MOCOS: variants seen among roughly 807,000 people sequenced by gnomAD.
MOCOS encodes molybdenum cofactor sulfurase.
In MOCOS, 86 loss-of-function variants were observed where a neutral mutation model predicts 83.6. That is an observed-to-expected ratio of 1.03 (90% confidence interval 0.86 to 1.23). MOCOS has a LOEUF of 1.23. Among genes scored for constraint, MOCOS ranks in the 50% most tolerant of loss-of-function variants. The pLI is 0.00. For missense variants in MOCOS, 1,120 were observed against 1,126.9 expected (o/e 0.99, Z 0.09); for synonymous variants, 445 against 434.7 (o/e 1.02, Z -0.29).
intron 5 of MOCOS, among the ~76,000 whole-genome samples, chr18:36,204,740 C>T (rs1249912786): frequency 6.6e-6 from 1 of 152,108 alleles, no homozygotes; most frequent in African/African-American, 2.4e-5. Context: ...TGCCTGTAAT[C>T]CCAGCACTTT....
chr18:36,203,253 C>A (rs1391643451), intron 5 of MOCOS, 64 bp downstream of exon 5: 22 of 1,444,964 alleles, frequency 1.5e-5, no homozygotes, highest in Non-Finnish European at 2.1e-5. Flanking sequence ...AGCTCTGGCA[C>A]AGGTGTGATT....
At chr18:36,254,165 A>G (rs1001203204) in intron 11 of MOCOS, among the ~76,000 whole-genome samples, 1 of 152,200 alleles carries the variant, frequency 6.6e-6, no homozygotes, top group African/African-American at 2.4e-5. Context: ...GTTCTCTGGC[A>G]GTCTAAGCCA....
chr18:36,251,197 G>A lies in MOCOS; in HGVS notation c.2078G>A (p.Trp693Ter). The A allele has an allele frequency of 6.2e-7, 1 of 1,613,594 alleles. No individual in the cohort carries two copies. The highest frequency in any genetic ancestry group is 8.5e-7 in the Non-Finnish European group (1 of 1,179,624). ...TYDCGEKISS[W>*]LSTFFGRPCH... ...GATTGTGGAGAAAAAATTTCAAGCT[G>A]GTTGTCAACATTTTTTGGCCGTCCT... The change falls in exon 11 of 15, where the codon TGG (tryptophan) becomes TAG (stop). Residue 693 changes from tryptophan to a stop codon, truncating the protein, a stop_gained. Coordinates refer to ENST00000261326, the MANE Select transcript of MOCOS (RefSeq NM_017947.4). LOFTEE classifies it high-confidence loss of function.
intron 9 of MOCOS, among the ~76,000 whole-genome samples, chr18:36,229,008 T>A (rs988659542): frequency 2.6e-5 from 4 of 152,214 alleles, no homozygotes; most frequent in Non-Finnish European, 4.4e-5. Context: ...TTAATACTTT[T>A]GTCTTTTGAC....
Position 36,268,755 on chromosome 18 carries a change from C to G in MOCOS, c.*70C>G. 1 of 1,307,660 alleles carries G rather than the reference C, an allele frequency of 7.6e-7. No individual in the cohort carries two copies. Among genetic ancestry groups the G allele is most frequent in the African/African-American group, 1.5e-5 (1 of 68,594 alleles). 81.0% of individuals were successfully genotyped at this position (1,307,660 alleles called of 1,614,324 possible). A position where few individuals can be genotyped will look rare whatever the true frequency, so the allele number is the denominator to read the frequency against. ...TATTGTTAAGATCTGCAACTTGGTTCAGTAGAACTTGATGTTTTGAATAAG... is the reference window on the plus strand; with the variant it reads ...TATTGTTAAGATCTGCAACTTGGTTGAGTAGAACTTGATGTTTTGAATAAG... On this transcript the variant is annotated 3_prime_UTR_variant, in exon 15 of 15. Transcript: ENST00000261326.
At chr18:36,237,810 T>G (rs1308161898) in intron 9 of MOCOS, among the ~76,000 whole-genome samples, 20 of 149,888 alleles carry the variant, frequency 1.3e-4, no homozygotes, top group Admixed American at 1.3e-3. Context: ...CAATTTCAGC[T>G]CCTGTTATTG....
intron 9 of MOCOS, among the ~76,000 whole-genome samples, chr18:36,233,116 A>G (rs2091544697): frequency 6.6e-6 from 1 of 151,988 alleles, no homozygotes; most frequent in Non-Finnish European, 1.5e-5. Flanking sequence ...ATTTTGGTGT[A>G]CTCATCACCC....
At chr18:36,190,420 G>A (rs970981188) in intron 1 of MOCOS, 2 of 152,076 alleles carry the variant, frequency 1.3e-5, no homozygotes, top group Non-Finnish European at 1.5e-5. Context: ...TGCAGTTCTC[G>A]TGAGGGTGCG....
chr18:36,228,297 A>C lies in MOCOS; in HGVS notation c.1960+8080A>C, dbSNP rs142207148. Among the ~76,000 whole-genome samples the C allele has an allele frequency of 3.1e-3, 465 of 152,312 alleles. 1 individual carries two copies. Among genetic ancestry groups the C allele is most frequent in the African/African-American group, 0.01 (420 of 41,578 alleles). On this transcript the variant is annotated intron_variant, in intron 9 of 14. Coordinates refer to ENST00000261326, the MANE Select transcript of MOCOS (RefSeq NM_017947.4). ...GATTCCTCAAACACCTAAAGACAGA[A>C]ATACCATTTGACCCAGTAATCCCAT...
intron 9 of MOCOS, among the ~76,000 whole-genome samples, chr18:36,240,139 A>G (rs1267741692): frequency 2.2e-5 from 3 of 136,842 alleles, no homozygotes; most frequent in South Asian, 2.5e-4. Flanking sequence ...TCAGCTCGTC[A>G]AAGTCATTCT....
chr18:36,217,063 C>T (rs973204021), intron 8 of MOCOS, among the ~76,000 whole-genome samples: 6 of 152,228 alleles, frequency 3.9e-5, no homozygotes, highest in South Asian at 4.1e-4. Context: ...TAGAGAGACG[C>T]GACAAATGTA....
At chr18:36,259,956 T>A in intron 12 of MOCOS, 81 bp from the exon 13 acceptor site, 1 of 1,571,212 alleles carries the variant, frequency 6.4e-7, no homozygotes, top group Non-Finnish European at 8.8e-7. Flanking sequence ...AGGTGTTACA[T>A]GGCAGGCATG....
chr18:36,264,520 C>T (rs1299866019), intron 13 of MOCOS, among the ~76,000 whole-genome samples: 1 of 152,148 alleles, frequency 6.6e-6, no homozygotes, highest in Non-Finnish European at 1.5e-5. Context: ...TGATAGTTTC[C>T]ACTCTCGAGC....
intron 5 of MOCOS, 109 bp downstream of exon 5, chr18:36,203,298 G>A: frequency 9.9e-7 from 1 of 1,008,454 alleles, no homozygotes; most frequent in Non-Finnish European, 1.6e-6. Flanking sequence ...GAAGTGACTG[G>A]CACTCCATGT....
chr18:36,254,810 T>G (rs964410355), intron 11 of MOCOS, among the ~76,000 whole-genome samples: 4 of 152,154 alleles, frequency 2.6e-5, no homozygotes, highest in African/African-American at 9.7e-5. Flanking sequence ...TAAATTGACA[T>G]GGATAAACAT....
chr18:36,200,126 T>C lies in MOCOS; in HGVS notation c.743T>C (p.Leu248Ser), dbSNP rs779863474. 2.5e-6 allele frequency: 4 copies of C among 1,614,226 alleles called. No individual in the cohort carries two copies. Among genetic ancestry groups the C allele is most frequent in the Non-Finnish European group, 3.4e-6 (4 of 1,180,044 alleles). Residue 248 changes from leucine (L) to serine (S), a missense_variant, in exon 4 of 15, where the codon TTG (leucine) becomes TCG (serine). Physicochemically the swap from Leu to Ser is moderately radical, Grantham distance 145. Coordinates refer to ENST00000261326, the MANE Select transcript of MOCOS (RefSeq NM_017947.4). ...DAASYVSTSP[L>S]DLSAHQADFV... Reference sequence around the variant, plus strand: ...GCCTCCTACGTGAGCACCTCGCCTTTGGACCTGTCAGCTCACCAGGCCGAC... The same window carrying C: ...GCCTCCTACGTGAGCACCTCGCCTTCGGACCTGTCAGCTCACCAGGCCGAC...
intron 9 of MOCOS, among the ~76,000 whole-genome samples, chr18:36,235,394 T>A (rs1001456507): frequency 1.5e-5 from 2 of 133,098 alleles, no homozygotes; most frequent in Non-Finnish European, 3.2e-5. Context: ...TGGTTTTTTG[T>A]TCTTGTGATA....
At position 36,270,125 on chromosome 18, in the gene MOCOS, A is replaced by G. The variant is rs1017653282; in HGVS notation, c.*1440A>G. 1.3e-5 allele frequency: 2 copies of G among 152,236 alleles called. No homozygotes were observed. The highest frequency in any genetic ancestry group is 4.8e-5 in the African/African-American group (2 of 41,458). 9.4% of individuals were successfully genotyped at this position (152,236 alleles called of 1,614,324 possible). A position where few individuals can be genotyped will look rare whatever the true frequency, so the allele number is the denominator to read the frequency against. On this transcript the variant is annotated 3_prime_UTR_variant, in exon 15 of 15. Transcript: ENST00000261326. ...TCTGGTTCCTGAGATCACCGAAAGA[A>G]GAGGCAAATGAAGTTAGGTGGGGTG...
At chr18:36,238,633 G>A (rs1399255406) in intron 9 of MOCOS, among the ~76,000 whole-genome samples, 1 of 143,516 alleles carries the variant, frequency 7.0e-6, no homozygotes, top group Non-Finnish European at 1.5e-5. Flanking sequence ...GGAGAGTTCT[G>A]TAGATGTCTA....
Sources: allele counts gnomAD v4.1 joint callset (sites outside exome capture counted in the v4.1 genomes callset), GRCh38; gene constraint gnomAD v4.1.1; transcripts MANE v1.5; gene names NCBI Gene and HGNC (gene_info 2026-07-23, HGNC 2026-07-21).